TDRD12: variants seen among roughly 807,000 people sequenced by gnomAD.
TDRD12 encodes the protein tudor domain containing 12.
TDRD12 carries 158 observed loss-of-function variants against 133.5 expected under a neutral mutation model. That is an observed-to-expected ratio of 1.18 (90% CI 1.04 to 1.35). The LOEUF is 1.35. Ranked by LOEUF, TDRD12 falls within the 40% of genes most tolerant of loss-of-function variation. The pLI, the probability that TDRD12 is intolerant of heterozygous loss-of-function variation, is 0.00. For synonymous variants in TDRD12, 460 were observed against 477.9 expected, an observed-to-expected ratio of 0.96 and a Z score of 0.49; for missense variants, 1,443 against 1,321.3, an observed-to-expected ratio of 1.09 and a Z score of -1.43.
At chr19:32,766,089 G>T (rs1285381524) in intron 8 of TDRD12, among the ~76,000 whole-genome samples, 1 of 151,978 alleles carries the variant, frequency 6.6e-6, no homozygotes, top group Non-Finnish European at 1.5e-5. Context: ...TGTCCTTTTA[G>T]TTTTAACCTA....
At chr19:32,721,174 G>A (rs994386802) in intron 1 of TDRD12, among the ~76,000 whole-genome samples, 1 of 152,184 alleles carries the variant, frequency 6.6e-6, no homozygotes, top group South Asian at 2.1e-4. Flanking sequence ...AGGGACGCCC[G>A]CCTGGACCCT....
chr19:32,779,038 C>T (rs558212153), intron 11 of TDRD12, among the ~76,000 whole-genome samples: 4 of 152,216 alleles, frequency 2.6e-5, no homozygotes, highest in African/African-American at 4.8e-5. Context: ...CCCTTGACTG[C>T]GCAGAGGTCC....
At chr19:32,733,932 C>T (rs1969141587) in intron 2 of TDRD12, among the ~76,000 whole-genome samples, 1 of 145,722 alleles carries the variant, frequency 6.9e-6, no homozygotes, top group African/African-American at 2.6e-5. Context: ...TGTTCTGTTG[C>T]CCAGGCTAGA....
At chr19:32,742,882 G>C in exon 4 of TDRD12, 1 of 1,551,618 alleles carries the variant, frequency 6.4e-7, no homozygotes, top group Non-Finnish European at 8.7e-7. Flanking sequence ...GACTTCTGCC[G>C]AGACAGTACT....
intron 4 of TDRD12, among the ~76,000 whole-genome samples, chr19:32,747,449 A>T (rs1257925240): frequency 6.6e-6 from 1 of 152,130 alleles, no homozygotes; most frequent in Non-Finnish European, 1.5e-5. Context: ...TATGTACATT[A>T]TCTCATTTGA....
At chr19:32,772,333 T>C (rs1970464450) in intron 8 of TDRD12, among the ~76,000 whole-genome samples, 1 of 152,072 alleles carries the variant, frequency 6.6e-6, no homozygotes, top group African/African-American at 2.4e-5. Context: ...ACTTTAGAAG[T>C]CTCACAGCAC....
downstream of TDRD12, chr19:32,821,307 G>A: frequency 3.1e-6 from 2 of 636,586 alleles, no homozygotes; most frequent in Middle Eastern, 4.2e-4. Flanking sequence ...TTTTGTTTTT[G>A]TAGTTTGAGG....
At chr19:32,748,706 C>T (rs554933142) in intron 5 of TDRD12, among the ~76,000 whole-genome samples, 175 bp downstream of exon 5, 248 of 152,350 alleles carry the variant, frequency 1.6e-3, no homozygotes, top group African/African-American at 5.9e-3. Context: ...ACTCTGCACC[C>T]CTAGTGGCAG....
intron 8 of TDRD12, among the ~76,000 whole-genome samples, chr19:32,765,670 T>C (rs1263526256): frequency 6.9e-6 from 1 of 143,980 alleles, no homozygotes; most frequent in Non-Finnish European, 1.5e-5. Context: ...TTCTCACTCA[T>C]AGGTGGGAAG....
intron 2 of TDRD12, 44 bp from the exon 3 acceptor site, chr19:32,738,812 C>A: frequency 6.5e-7 from 1 of 1,541,484 alleles, no homozygotes; most frequent in East Asian, 2.5e-5. Flanking sequence ...CACTCTGTCT[C>A]AAAAAAATAA....
At chr19:32,760,981 G>T (rs188665096) in intron 8 of TDRD12, among the ~76,000 whole-genome samples, 1 of 152,318 alleles carries the variant, frequency 6.6e-6, no homozygotes, top group East Asian at 1.9e-4. Context: ...TATCCACAAT[G>T]CAATCATCAG....
chr19:32,730,965 A>T (rs1221058989), intron 1 of TDRD12, among the ~76,000 whole-genome samples: 1 of 152,196 alleles, frequency 6.6e-6, no homozygotes, highest in African/African-American at 2.4e-5. Context: ...CAGTGAGCTG[A>T]GATTGCGCCA....
At chr19:32,772,388 A>T (rs1970465929) in intron 8 of TDRD12, among the ~76,000 whole-genome samples, 1 of 152,144 alleles carries the variant, frequency 6.6e-6, no homozygotes, top group South Asian at 2.1e-4. Flanking sequence ...ACAGGAAAGG[A>T]TCATAGAGCC....
At chr19:32,746,769 G>A (rs1476325466) in intron 4 of TDRD12, among the ~76,000 whole-genome samples, 1 of 145,796 alleles carries the variant, frequency 6.9e-6, no homozygotes, top group Non-Finnish European at 1.5e-5. Flanking sequence ...AGAGAGACTG[G>A]CTGATGTGGT....
At chr19:32,809,169 C>T (rs1391525779) in intron 22 of TDRD12, among the ~76,000 whole-genome samples, 1 of 152,160 alleles carries the variant, frequency 6.6e-6, no homozygotes, top group African/African-American at 2.4e-5. Context: ...CTGAGATTCC[C>T]TGGCCCTGTT....
intron 21 of TDRD12, among the ~76,000 whole-genome samples, chr19:32,804,895 C>CA (rs961329883): frequency 1.4e-3 from 197 of 138,056 alleles, no homozygotes; most frequent in Middle Eastern, 3.7e-3. Flanking sequence ...GATTCCATCT[C>CA]AAAAAAAAAA....
At chr19:32,795,438 A>C (rs1971198391) in intron 14 of TDRD12, among the ~76,000 whole-genome samples, 1 of 152,026 alleles carries the variant, frequency 6.6e-6, no homozygotes, top group South Asian at 2.1e-4. Flanking sequence ...GCAGCATGAG[A>C]TGGGCATTGT....
intron 8 of TDRD12, among the ~76,000 whole-genome samples, chr19:32,761,055 TG>T (rs1261719655): frequency 6.6e-6 from 1 of 152,230 alleles, no homozygotes; most frequent in African/African-American, 2.4e-5. Flanking sequence ...CAGGTTTTGC[TG>T]GTTATCAAAG....
Position 32,826,754 on chromosome 19 carries a change from G to T in TDRD12, c.1049+156G>T. ...AGGACAGCCACTTCCCCAAGGGTAA[G>T]GCATAGAGCGCCCACTCTCCGAGGG... On this transcript the variant is annotated intron_variant, in intron 9 of 9. Transcript: ENST00000637289. 1 of 1,231,990 alleles carries T rather than the reference G, an allele frequency of 8.1e-7. No individual in the cohort carries two copies. The highest frequency in any genetic ancestry group is 4.1e-5 in the South Asian group (1 of 24,262). 76.3% of individuals were successfully genotyped at this position (1,231,990 alleles called of 1,614,324 possible).
Sources: allele counts gnomAD v4.1 joint callset (sites outside exome capture counted in the v4.1 genomes callset), GRCh38; gene constraint gnomAD v4.1.1; transcripts MANE v1.5; gene names NCBI Gene and HGNC (gene_info 2026-07-23, HGNC 2026-07-21).